Variants in RAD18 observed in about 807,000 individuals in gnomAD.
RAD18 encodes the protein RAD18 E3 ubiquitin protein ligase.
Under a neutral mutation model 60.4 loss-of-function variants are expected in RAD18, and 47 were observed. That is an observed-to-expected ratio of 0.78 (90% CI 0.62 to 0.99). The LOEUF is 0.99. Ranked by LOEUF, RAD18 falls within the 50% of genes least tolerant of loss-of-function variation. The pLI is 0.00. For missense variants in RAD18, 640 were observed against 593.3 expected (o/e 1.08, Z -0.82); for synonymous variants, 225 against 195.5 (o/e 1.15, Z -1.26).
rs545440072 is a variant in RAD18, at chr3:8,878,423, C to G, written c.*2934G>C. 7.9e-5 allele frequency: 12 copies of G among 152,238 alleles called. No individual in the cohort carries two copies. The highest frequency in any genetic ancestry group is 1.5e-4 in the Non-Finnish European group (10 of 68,008). 9.4% of individuals were successfully genotyped at this position (152,238 alleles called of 1,614,324 possible). A position where few individuals can be genotyped will look rare whatever the true frequency, so the allele number is the denominator to read the frequency against. On this transcript the variant is annotated 3_prime_UTR_variant, in exon 13 of 13. Coordinates refer to ENST00000264926, the MANE Select transcript of RAD18 (RefSeq NM_020165.4). ...TGGTTGTGGTTTTCCCTCTTATGTT[C>G]ATACTTTCATAATATGTACATAACA...
At chr3:8,919,164 C>T (rs1940264357) in intron 7 of RAD18, among the ~76,000 whole-genome samples, 1 of 152,184 alleles carries the variant, frequency 6.6e-6, no homozygotes, top group African/African-American at 2.4e-5. Flanking sequence ...ACCAAAATAA[C>T]ATTTCAAGGG....
At chr3:8,881,989 C>T (rs1939471275) in intron 12 of RAD18, among the ~76,000 whole-genome samples, 1 of 152,144 alleles carries the variant, frequency 6.6e-6, no homozygotes, top group South Asian at 2.1e-4. Context: ...TAAATACAGG[C>T]TAGTATTGCA....
At position 8,963,468 on chromosome 3, in the gene RAD18, A is replaced by G. The variant is rs1941123814; in HGVS notation, c.-83T>C. 7.5e-7 allele frequency: 1 copy of G among 1,337,946 alleles called. No individual in the cohort carries two copies. The highest frequency in any genetic ancestry group is 1.0e-6 in the Non-Finnish European group (1 of 971,268). 82.9% of individuals were successfully genotyped at this position (1,337,946 alleles called of 1,614,324 possible). A position where few individuals can be genotyped will look rare whatever the true frequency, so the allele number is the denominator to read the frequency against. Reference sequence around the variant, plus strand: ...CACTCGAAATTCCCCGCGCTACCGCATTACGTCAGCAGCCCGCGACGCGCC... The same window carrying G: ...CACTCGAAATTCCCCGCGCTACCGCGTTACGTCAGCAGCCCGCGACGCGCC... On this transcript the variant is annotated 5_prime_UTR_variant, in exon 1 of 13. It removes an upstream start codon present in the reference 5' UTR. Coordinates refer to ENST00000264926, the MANE Select transcript of RAD18 (RefSeq NM_020165.4).
chr3:8,936,115 A>T lies in RAD18; in HGVS notation c.705-60T>A, dbSNP rs1940649149. The T allele has an allele frequency of 5.1e-6, 7 of 1,366,560 alleles. No homozygotes were observed. In the East Asian group the frequency reaches 7.7e-5, roughly 15 times the overall value. 84.7% of individuals were successfully genotyped at this position (1,366,560 alleles called of 1,614,324 possible). A position where few individuals can be genotyped will look rare whatever the true frequency, so the allele number is the denominator to read the frequency against. ...GAATTATCAAATGCTTTTCATGTAA[A>T]ATGGCAAATAAATTCTGATTCAACA... On this transcript the variant is annotated intron_variant, in intron 6 of 12. Coordinates refer to ENST00000264926, the MANE Select transcript of RAD18 (RefSeq NM_020165.4).
At chr3:8,946,269 C>T (rs1205430517) in intron 4 of RAD18, among the ~76,000 whole-genome samples, 1 of 152,252 alleles carries the variant, frequency 6.6e-6, no homozygotes, top group African/African-American at 2.4e-5. Flanking sequence ...GCTATAGTAA[C>T]ATGCTGTACA....
chr3:8,902,163 G>C (rs1396941414), intron 10 of RAD18, among the ~76,000 whole-genome samples: 2 of 152,140 alleles, frequency 1.3e-5, no homozygotes, highest in African/African-American at 4.8e-5. Context: ...AAGGACGATA[G>C]ACAAAAAGAG....
At chr3:8,885,201 A>G (rs1337778239) in intron 12 of RAD18, among the ~76,000 whole-genome samples, 1 of 152,190 alleles carries the variant, frequency 6.6e-6, no homozygotes, top group African/African-American at 2.4e-5. Context: ...CATGTTGATT[A>G]AAGAGACAGT....
intron 7 of RAD18, among the ~76,000 whole-genome samples, 176 bp downstream of exon 7, chr3:8,935,695 G>C (rs557876120): frequency 1.1e-4 from 16 of 152,340 alleles, no homozygotes; most frequent in Admixed American, 1.0e-3. Flanking sequence ...GGCAGGCTGA[G>C]AGGAAGGCTG....
intron 3 of RAD18, among the ~76,000 whole-genome samples, chr3:8,948,129 G>A (rs185014336): frequency 1.2e-3 from 187 of 152,224 alleles, no homozygotes; most frequent in Non-Finnish European, 2.0e-3. Flanking sequence ...CAGATAGGCC[G>A]GATTAAGCCC....
chr3:8,921,635 A>C (rs1559778333), intron 7 of RAD18, among the ~76,000 whole-genome samples: 1 of 152,008 alleles, frequency 6.6e-6, no homozygotes, highest in Non-Finnish European at 1.5e-5. Flanking sequence ...GCAAGACCCT[A>C]TCTTTAAAAA....
chr3:8,901,859 C>T (rs538060646), intron 10 of RAD18, among the ~76,000 whole-genome samples: 4 of 152,326 alleles, frequency 2.6e-5, no homozygotes, highest in South Asian at 2.1e-4. Flanking sequence ...TTTTCTTGCG[C>T]ACTTTCCCCC....
intron 12 of RAD18, among the ~76,000 whole-genome samples, chr3:8,883,459 T>C (rs1469720694): frequency 6.6e-6 from 1 of 152,228 alleles, no homozygotes; most frequent in Non-Finnish European, 1.5e-5. Flanking sequence ...CTTGATTAGC[T>C]TTGTAGTCCA....
At chr3:8,922,950 A>G (rs1559779566) in intron 7 of RAD18, among the ~76,000 whole-genome samples, 1 of 152,174 alleles carries the variant, frequency 6.6e-6, no homozygotes, top group Non-Finnish European at 1.5e-5. Flanking sequence ...GGTAGATAAA[A>G]CCACAAAGAT....
At chr3:8,884,698 A>C (rs979457417) in intron 12 of RAD18, among the ~76,000 whole-genome samples, 2 of 152,180 alleles carry the variant, frequency 1.3e-5, no homozygotes, top group Non-Finnish European at 2.9e-5. Context: ...CTATTGAGGT[A>C]GTGCAAGAAG....
rs767734520 is a variant in RAD18 at position 8,963,352 on chromosome 3, C to T, written c.34G>A (p.Gly12Ser). ...DSLAESRWPP[G>S]LAVMKTIDDL... ...GCACTCACCTTCATGACTGCCAGGC[C>T]CGGAGGCCACCGAGACTCGGCCAGG... The change falls in exon 1 of 13, where the codon GGC (glycine) becomes AGC (serine). Residue 12 changes from glycine to serine, a missense_variant. By Grantham distance (56) the Gly-to-Ser change is moderately conservative. Transcript: ENST00000264926. 2 of 1,610,614 alleles carry T rather than the reference C, an allele frequency of 1.2e-6. No homozygotes were observed. Among genetic ancestry groups the T allele is most frequent in the East Asian group, 2.2e-5 (1 of 44,464 alleles).
In RAD18 at chr3:8,902,480, C is replaced by T. The variant is rs767322597; in HGVS notation, c.1068G>A (p.Gln356=). The change falls in exon 10 of 13, where the codon CAG becomes CAA. Residue 356 remains glutamine, a synonymous_variant. Transcript: ENST00000264926. The part of the protein sequence containing the change: ...HKSEFQLLVD[Q]ARKGYKKIAG... ...CAATTTTCTTGTATCCTTTTCTAGCCTGATCCACCAGAAGCTGAAATTCAC... is the reference window on the plus strand; with the variant it reads ...CAATTTTCTTGTATCCTTTTCTAGCTTGATCCACCAGAAGCTGAAATTCAC... 1.2e-6 allele frequency: 2 copies of T among 1,607,572 alleles called. No homozygotes were observed. The highest frequency in any genetic ancestry group is 1.7e-5 in the Admixed American group (1 of 58,662).
At chr3:8,963,211 A>G in intron 1 of RAD18, 124 bp downstream of exon 1, 1 of 1,095,650 alleles carries the variant, frequency 9.1e-7, no homozygotes, top group Non-Finnish European at 1.3e-6. Flanking sequence ...GCAGAGCCGG[A>G]TACCCGGGCC....
chr3:8,890,125 G>T, intron 12 of RAD18: 1 of 461,226 alleles, frequency 2.2e-6, no homozygotes, highest in Non-Finnish European at 4.0e-6. Flanking sequence ...GTTAAGTGAT[G>T]CATGACTGTA....
intron 2 of RAD18, among the ~76,000 whole-genome samples, chr3:8,958,420 T>C (rs1941044690): frequency 6.6e-6 from 1 of 152,220 alleles, no homozygotes; most frequent in Non-Finnish European, 1.5e-5. Context: ...TAAAGAGAAG[T>C]ACAAACAAAT....
Sources: gnomAD v4.1 joint callset for allele counts (sites outside exome capture counted in the v4.1 genomes callset) on GRCh38, gnomAD v4.1.1 for gene constraint, MANE v1.5 for transcripts, NCBI Gene and HGNC (gene_info 2026-07-23, HGNC 2026-07-21) for gene names.